DIP2B: variants seen among roughly 807,000 people sequenced by gnomAD.
DIP2B encodes disco-interacting protein 2 homolog B.
A neutral mutation model predicts 198.0 loss-of-function variants in DIP2B; 76 were observed. The ratio of observed to expected loss-of-function variants is 0.38; its 90% CI spans 0.32 to 0.46. The LOEUF is 0.46. DIP2B is among the 20% of genes least tolerant of loss of function. The probability of loss-of-function intolerance (pLI) is 0.99; values close to 1 mark genes in which losing one functional copy is unlikely to be tolerated. For missense variants in DIP2B, 1,559 were observed against 1,978.4 expected (o/e 0.79, Z 4.02); for synonymous variants, 701 against 739.1 (o/e 0.95, Z 0.84).
At chr12:50,522,441 CT>C (rs1157194596) in intron 1 of DIP2B, among the ~76,000 whole-genome samples, 1 of 152,196 alleles carries the variant, frequency 6.6e-6, no homozygotes, top group Admixed American at 6.5e-5. Context: ...CTGGAAAGGA[CT>C]TTCCATTGCA....
intron 22 of DIP2B, 133 bp from the exon 23 acceptor site, chr12:50,714,262 G>A: frequency 1.2e-6 from 1 of 855,484 alleles, no homozygotes; most frequent in Non-Finnish European, 1.8e-6. Context: ...TGGAATCTTA[G>A]TGATCTGCCA....
At chr12:50,647,122 G>A (rs373691110) in intron 3 of DIP2B, among the ~76,000 whole-genome samples, 1 of 151,838 alleles carries the variant, frequency 6.6e-6, no homozygotes, top group Non-Finnish European at 1.5e-5. Context: ...ACACAATCTC[G>A]TCTCACTCCA....
chr12:50,547,242 CAG>C (rs1468003005), intron 1 of DIP2B, among the ~76,000 whole-genome samples: 3 of 151,988 alleles, frequency 2.0e-5, no homozygotes, highest in Admixed American at 2.0e-4. Context: ...TGGCTTAAAA[CAG>C]TGAAATATTT....
At chr12:50,648,040 AG>A (rs1938380646) in intron 3 of DIP2B, among the ~76,000 whole-genome samples, 1 of 152,180 alleles carries the variant, frequency 6.6e-6, no homozygotes, top group Admixed American at 6.5e-5. Flanking sequence ...CAGGAGGCGG[AG>A]GTTGCAGTGA....
intron 1 of DIP2B, among the ~76,000 whole-genome samples, chr12:50,543,273 TA>T (rs1958342552): frequency 6.6e-6 from 1 of 151,894 alleles, no homozygotes; most frequent in South Asian, 2.1e-4. Flanking sequence ...GCCAAGCTGT[TA>T]AAGTTTTTTT....
At chr12:50,584,137 T>C (rs1958748938) in intron 1 of DIP2B, among the ~76,000 whole-genome samples, 1 of 152,232 alleles carries the variant, frequency 6.6e-6, no homozygotes, top group Non-Finnish European at 1.5e-5. Flanking sequence ...TTAAATGCCA[T>C]CTTTATGTGG....
At chr12:50,535,155 C>G (rs67701624) in intron 1 of DIP2B, among the ~76,000 whole-genome samples, 41,684 of 151,898 alleles carry the variant, frequency 0.27, 6,434 homozygotes, top group Non-Finnish European at 0.35. Flanking sequence ...TCACCTGAGC[C>G]CAGGAGGTCA....
chr12:50,677,591 G>A (rs1315196854), intron 7 of DIP2B, among the ~76,000 whole-genome samples: 1 of 152,138 alleles, frequency 6.6e-6, no homozygotes, highest in Non-Finnish European at 1.5e-5. Context: ...CTCCAGCCTG[G>A]GCAACAGAGC....
chr12:50,658,626 A>G (rs1315205976), intron 3 of DIP2B, among the ~76,000 whole-genome samples: 1 of 152,246 alleles, frequency 6.6e-6, no homozygotes, highest in African/African-American at 2.4e-5. Flanking sequence ...CTTTCTATGA[A>G]TAATTTCAAA....
intron 29 of DIP2B, 56 bp from the exon 30 acceptor site, chr12:50,728,492 G>T: frequency 6.4e-7 from 1 of 1,574,744 alleles, no homozygotes; most frequent in Admixed American, 1.7e-5. Context: ...CGTCAGAGCT[G>T]TTACTCTGCC....
chr12:50,707,071 TAATTA>T (rs1939527277), intron 21 of DIP2B, among the ~76,000 whole-genome samples: 1 of 152,252 alleles, frequency 6.6e-6, no homozygotes, highest in African/African-American at 2.4e-5. Flanking sequence ...CTCTTGTTTC[TAATTA>T]AATTATACCG....
In DIP2B at chr12:50,640,787, C is replaced by A. The variant is rs746926451; in HGVS notation, c.236C>A (p.Thr79Asn). The change falls in exon 3 of 38, where the codon ACT (threonine) becomes AAT (asparagine). Residue 79 changes from threonine (T) to asparagine (N), a missense_variant. By Grantham distance (65) the Thr-to-Asn change is moderately conservative (BLOSUM62 0). Transcript: ENST00000301180. ...NQTPAPSAAQTSAPSKYHRTR... is the reference protein window; with the variant it reads ...NQTPAPSAAQNSAPSKYHRTR... ...ACACCTGCTCCATCTGCAGCTCAAA[C>A]TTCTGCTCCCTCTAAGTACCACCGA... 1 of 1,614,022 alleles carries A rather than the reference C, an allele frequency of 6.2e-7. No individual in the cohort carries two copies. The highest frequency in any genetic ancestry group is 1.1e-5 in the South Asian group (1 of 91,084).
intron 1 of DIP2B, among the ~76,000 whole-genome samples, chr12:50,550,591 A>T (rs990055010): frequency 6.6e-6 from 1 of 152,212 alleles, no homozygotes. Flanking sequence ...CTTAAACAGA[A>T]GGAAACGAAT....
intron 1 of DIP2B, among the ~76,000 whole-genome samples, chr12:50,517,738 C>T (rs923874972): frequency 3.9e-5 from 6 of 152,204 alleles, no homozygotes; most frequent in Non-Finnish European, 5.9e-5. Flanking sequence ...AGATGACTTG[C>T]ACTTCCATGA....
At chr12:50,628,683 C>G (rs1211624102) in intron 2 of DIP2B, among the ~76,000 whole-genome samples, 2 of 152,178 alleles carry the variant, frequency 1.3e-5, no homozygotes, top group African/African-American at 4.8e-5. Context: ...CAGCCACTTC[C>G]ATTTTCACCC....
At chr12:50,599,293 A>G (rs74854551) in intron 1 of DIP2B, among the ~76,000 whole-genome samples, 2 of 91,564 alleles carry the variant, frequency 2.2e-5, no homozygotes, top group Admixed American at 1.3e-4. Context: ...CCCTGTCTCA[A>G]AAAAAAAAAA....
At chr12:50,606,851 G>A (rs543950898) in intron 1 of DIP2B, among the ~76,000 whole-genome samples, 1 of 151,378 alleles carries the variant, frequency 6.6e-6, no homozygotes, top group South Asian at 2.1e-4. Context: ...CTGTCACCTG[G>A]GCTAAAGTTC....
chr12:50,617,331 A>G (rs181186037), intron 1 of DIP2B, among the ~76,000 whole-genome samples: 10 of 151,628 alleles, frequency 6.6e-5, no homozygotes, highest in South Asian at 2.1e-4. Flanking sequence ...AATTTTTTGT[A>G]TTTTTAGTAG....
chr12:50,541,638 T>C (rs1444405264), intron 1 of DIP2B, among the ~76,000 whole-genome samples: 5 of 152,186 alleles, frequency 3.3e-5, no homozygotes, highest in Admixed American at 6.6e-5. Context: ...CTGTCTGGAA[T>C]CTAATTTCTT....
Sources: allele counts gnomAD v4.1 joint callset (sites outside exome capture counted in the v4.1 genomes callset), GRCh38; gene constraint gnomAD v4.1.1; transcripts MANE v1.5; gene names NCBI Gene and HGNC (gene_info 2026-07-23, HGNC 2026-07-21).